Variants in VPS37A observed in about 807,000 individuals in gnomAD.
The protein encoded by VPS37A is VPS37A subunit of ESCRT-I, also known as vacuolar protein sorting-associated protein 37A.
Under a neutral mutation model 49.8 loss-of-function variants are expected in VPS37A, and 30 were observed. The ratio of observed to expected loss-of-function variants is 0.60; its 90% CI spans 0.45 to 0.82. VPS37A has a LOEUF of 0.82. Among genes scored for constraint, VPS37A ranks in the 40% least tolerant of loss-of-function variants. VPS37A has a pLI of 0.00. For synonymous variants in VPS37A, 195 were observed against 160.6 expected, an observed-to-expected ratio of 1.21 and a Z score of -1.62; for missense variants, 593 against 464.4, an observed-to-expected ratio of 1.28 and a Z score of -2.55.
At position 17,268,841 on chromosome 8, in the gene VPS37A, T is replaced by A. The variant is rs1252992312; in HGVS notation, c.316-15T>A. Reference sequence around the variant, plus strand: ...TCTGGAAGTGATTTTAAGCGTCATGTATTGTTACTTTCAGTTTACAATGCA... The same window carrying A: ...TCTGGAAGTGATTTTAAGCGTCATGAATTGTTACTTTCAGTTTACAATGCA... On this transcript the variant is annotated splice_polypyrimidine_tract_variant and intron_variant, in intron 3 of 11. Transcript: ENST00000324849. 1.3e-6 allele frequency: 2 copies of A among 1,530,670 alleles called. No homozygotes were observed. Among genetic ancestry groups the A allele is most frequent in the Admixed American group, 1.7e-5 (1 of 57,976 alleles). The allele number at this position is 1,530,670 out of a possible 1,614,324, so 94.8% of individuals were successfully genotyped here.
At chr8:17,305,264 C>T (rs1586140333), downstream of VPS37A, among the ~76,000 whole-genome samples, 5 of 152,160 alleles carry the variant, frequency 3.3e-5, no homozygotes, top group Admixed American at 1.3e-4. Flanking sequence ...CTCATGTATA[C>T]TGCCTAAATC....
At chr8:17,319,143 G>A in the VPS37A span, among the ~76,000 whole-genome samples, 1 of 152,200 alleles carries the variant, frequency 6.6e-6, no homozygotes, top group Non-Finnish European at 1.5e-5. Flanking sequence ...ACGTAGCAAT[G>A]TTTAAGGGCT....
the VPS37A span, among the ~76,000 whole-genome samples, chr8:17,316,738 T>C: frequency 3.3e-5 from 5 of 152,208 alleles, no homozygotes; most frequent in African/African-American, 4.8e-5. Flanking sequence ...CTACATTGTA[T>C]TAAGTATTGC....
chr8:17,268,757 C>T (rs1813706859), intron 3 of VPS37A, 99 bp from the exon 4 acceptor site: 1 of 810,284 alleles, frequency 1.2e-6, no homozygotes, highest in Non-Finnish European at 2.0e-6. Context: ...AATTCTTGAC[C>T]TGCAAAAGTA....
At position 17,270,984 on chromosome 8, in the gene VPS37A, G is replaced by T. The variant is rs1251440029; in HGVS notation, c.416+2028G>T. On this transcript the variant is annotated intron_variant, in intron 4 of 11. Coordinates refer to ENST00000324849, the MANE Select transcript of VPS37A (RefSeq NM_152415.3). ...CACCCACTGTACAATGGTAGAACAAGCCTCGGGTAACCACTATAGATTCCA... is the reference window on the plus strand; with the variant it reads ...CACCCACTGTACAATGGTAGAACAATCCTCGGGTAACCACTATAGATTCCA... Among the ~76,000 whole-genome samples, 10 of 152,306 alleles carry T rather than the reference G, an allele frequency of 6.6e-5. No homozygotes were observed. In the South Asian group the frequency reaches 2.1e-3, roughly 32 times the overall value.
At chr8:17,256,282 G>C (rs976328193) in intron 1 of VPS37A, among the ~76,000 whole-genome samples, 1 of 131,122 alleles carries the variant, frequency 7.6e-6, no homozygotes, top group Non-Finnish European at 1.5e-5. Context: ...TTTAGCTGGG[G>C]TAAAATGATT....
rs184546421 is a variant in VPS37A, at chr8:17,281,657, A to G, written c.969+1214A>G. Among the ~76,000 whole-genome samples, 402 of 152,162 alleles carry G rather than the reference A, an allele frequency of 2.6e-3. 2 individuals are homozygous for G. Among genetic ancestry groups the G allele is most frequent in the African/African-American group, 8.9e-3 (371 of 41,576 alleles). Reference sequence around the variant, plus strand: ...TTTGAGTACTGCAAGACCAAAAAAAAGTGGTATAACATAAAAAGAAGAAAT... The same window carrying G: ...TTTGAGTACTGCAAGACCAAAAAAAGGTGGTATAACATAAAAAGAAGAAAT... On this transcript the variant is annotated intron_variant, in intron 9 of 11. Transcript: ENST00000324849.
Position 17,247,296 on chromosome 8 carries a change from T to G in VPS37A, c.52T>G (p.Ser18Ala). 3.2e-6 allele frequency: 5 copies of G among 1,562,966 alleles called. No individual in the cohort carries two copies. The highest frequency in any genetic ancestry group is 3.5e-6 in the Non-Finnish European group (4 of 1,154,606). The change falls in exon 1 of 12, where the codon TCC becomes GCC. Residue 18 changes from serine to alanine, a missense_variant. Physicochemically the swap from Ser to Ala is moderately conservative, Grantham distance 99 (BLOSUM62 1). Coordinates refer to ENST00000324849, the MANE Select transcript of VPS37A (RefSeq NM_152415.3). Reference protein sequence around the residue: ...TKSASSSAAGSPGGLTSLQQQ... With the variant: ...TKSASSSAAGAPGGLTSLQQQ... ...GAGCGCCTCCTCCTCCGCGGCTGGG[T>G]CCCCCGGTGGCCTCACCAGCCTCCA...
chr8:17,254,863 T>G (rs1258851512), intron 1 of VPS37A, among the ~76,000 whole-genome samples: 1 of 152,228 alleles, frequency 6.6e-6, no homozygotes, highest in African/African-American at 2.4e-5. Flanking sequence ...TTTTTTTATC[T>G]AAATCATAGA....
intron 1 of VPS37A, among the ~76,000 whole-genome samples, chr8:17,263,317 A>G (rs1813138063): frequency 6.6e-6 from 1 of 152,206 alleles, no homozygotes; most frequent in Admixed American, 6.5e-5. Context: ...GCAACATTCA[A>G]AATCACATTT....
the VPS37A span, chr8:17,309,172 C>A: frequency 1.3e-6 from 1 of 766,212 alleles, no homozygotes. Flanking sequence ...GAATAAGAGA[C>A]ACAAACTCAA....
downstream of VPS37A, among the ~76,000 whole-genome samples, chr8:17,306,335 G>C (rs762400531): frequency 6.6e-5 from 10 of 151,880 alleles, no homozygotes; most frequent in African/African-American, 9.7e-5. Flanking sequence ...ACAACTTTAA[G>C]GCTCTTCATT....
chr8:17,252,955 T>TA (rs1376913307), intron 1 of VPS37A, among the ~76,000 whole-genome samples: 1 of 152,210 alleles, frequency 6.6e-6, no homozygotes, highest in African/African-American at 2.4e-5. Context: ...GTAATTAAGT[T>TA]AAAACTTTGA....
intron 7 of VPS37A, 29 bp downstream of exon 7, chr8:17,280,184 T>G: frequency 1.9e-6 from 3 of 1,610,250 alleles, no homozygotes; most frequent in Non-Finnish European, 2.5e-6. Context: ...GAGCGCACAT[T>G]TCCTGAAAAA....
chr8:17,284,370 C>T, intron 9 of VPS37A, 103 bp from the exon 10 acceptor site: 1 of 1,320,038 alleles, frequency 7.6e-7, no homozygotes, highest in Non-Finnish European at 1.0e-6. Context: ...CTATATAGGG[C>T]ATATAATAAA....
chr8:17,286,634 C>G (rs1815621596), intron 11 of VPS37A: 6 of 471,246 alleles, frequency 1.3e-5, no homozygotes, highest in Non-Finnish European at 2.2e-5. Context: ...TTTCTGTGAT[C>G]TTGGCATGAA....
At chr8:17,311,531 G>A in the VPS37A span, 9 of 1,614,132 alleles carry the variant, frequency 5.6e-6, no homozygotes, top group African/African-American at 1.3e-5. Flanking sequence ...TTCAGAGTCC[G>A]GTAGTGAGGG....
intron 9 of VPS37A, 147 bp from the exon 10 acceptor site, chr8:17,284,326 G>T: frequency 1.2e-6 from 1 of 848,634 alleles, no homozygotes; most frequent in Non-Finnish European, 1.7e-6. Flanking sequence ...CCTGGGTGGG[G>T]CATTATAAGA....
the VPS37A span, among the ~76,000 whole-genome samples, chr8:17,317,852 T>C: frequency 4.1e-3 from 632 of 152,328 alleles, 5 homozygotes; most frequent in African/African-American, 0.014. Context: ...ATTTTGCAGC[T>C]TTTATATTTT....
Sources: gnomAD v4.1 joint callset for allele counts (sites outside exome capture counted in the v4.1 genomes callset) on GRCh38, gnomAD v4.1.1 for gene constraint, MANE v1.5 for transcripts, NCBI Gene and HGNC (gene_info 2026-07-23, HGNC 2026-07-21) for gene names.